ACOX3: variants seen among roughly 807,000 people sequenced by gnomAD.
ACOX3 encodes the protein acyl-CoA oxidase 3, pristanoyl.
ACOX3 carries 73 observed loss-of-function variants against 81.5 expected under a neutral mutation model. That is an observed-to-expected ratio of 0.90 (90% CI 0.74 to 1.09). The LOEUF (loss-of-function observed/expected upper bound fraction) is 1.09, where lower values mean the gene tolerates loss of function less well. ACOX3 is among the 50% of genes least tolerant of loss of function. The pLI is 0.00. For synonymous variants in ACOX3, 387 were observed against 375.1 expected (o/e 1.03, Z -0.37); for missense variants, 947 against 928.0 (o/e 1.02, Z -0.27).
chr4:8,371,287 C>T (rs981038252), intron 16 of ACOX3, among the ~76,000 whole-genome samples: 1 of 152,202 alleles, frequency 6.6e-6, no homozygotes, highest in Non-Finnish European at 1.5e-5. Flanking sequence ...CGTGAATTAG[C>T]AACTGCATTC....
chr4:8,373,979 T>G, intron 15 of ACOX3: 3 of 283,976 alleles, frequency 1.1e-5, no homozygotes, highest in Non-Finnish European at 1.3e-5. Context: ...AAGGGGCTCC[T>G]GGGCAGAGTG....
Position 8,419,276 on chromosome 4 carries a change from A to T in ACOX3, c.-14-2741T>A, listed in dbSNP as rs1722673333. The stretch of plus-strand genomic sequence containing the variant: ...TGGTGAAACCTCATCTCTACTAAAA[A>T]TACAAAAAAATTAGCCGGGCATGGT... On this transcript the variant is annotated intron_variant, in intron 1 of 17. Transcript: ENST00000356406. This position sits in a 1 kb window ranked among gnomAD's most constrained non-coding sequence, Gnocchi z 4.2. Among the ~76,000 whole-genome samples the T allele has an allele frequency of 6.6e-6, 1 of 151,886 alleles. No homozygotes were observed. Among genetic ancestry groups the T allele is most frequent in the Admixed American group, 6.6e-5 (1 of 15,258 alleles).
At chr4:8,408,085 G>A (rs138887942) in intron 6 of ACOX3, among the ~76,000 whole-genome samples, 49 of 152,268 alleles carry the variant, frequency 3.2e-4, no homozygotes, top group South Asian at 6.2e-4. Flanking sequence ...GGGGAATTTA[G>A]CTATGTGCAT....
intron 5 of ACOX3, among the ~76,000 whole-genome samples, chr4:8,412,572 A>G (rs1721845598): frequency 6.6e-6 from 1 of 152,184 alleles, no homozygotes; most frequent in Non-Finnish European, 1.5e-5. Context: ...GGATGGATGA[A>G]AGAATGATGG....
chr4:8,370,792 C>A lies in ACOX3; in HGVS notation c.1983+116G>T. 1 of 905,678 alleles carries A rather than the reference C, an allele frequency of 1.1e-6. No homozygotes were observed. The highest frequency in any genetic ancestry group is 1.5e-5 in the South Asian group (1 of 65,676). 56.1% of individuals were successfully genotyped at this position (905,678 alleles called of 1,614,324 possible). A position where few individuals can be genotyped will look rare whatever the true frequency, so the allele number is the denominator to read the frequency against. On this transcript the variant is annotated intron_variant, in intron 17 of 17. Coordinates refer to ENST00000356406, the MANE Select transcript of ACOX3 (RefSeq NM_003501.3). This position sits in a 1 kb window ranked among gnomAD's most constrained non-coding sequence, Gnocchi z 6.3. Reference sequence around the variant, plus strand: ...CCGGGCCCTCCCCAAGAAGCTCCTCCATGTGTGACCACTTTCCAGAAGACA... The same window carrying A: ...CCGGGCCCTCCCCAAGAAGCTCCTCAATGTGTGACCACTTTCCAGAAGACA...
At chr4:8,377,259 C>T (rs1176286105) in intron 14 of ACOX3, among the ~76,000 whole-genome samples, 2 of 152,188 alleles carry the variant, frequency 1.3e-5, no homozygotes, top group African/African-American at 2.4e-5. Flanking sequence ...GTGCCCCGCA[C>T]CACTCTCCCC....
the ACOX3 span, among the ~76,000 whole-genome samples, chr4:8,358,661 C>A: frequency 2.9e-4 from 44 of 152,274 alleles, no homozygotes; most frequent in African/African-American, 1.1e-3. Context: ...CCCACCAAAA[C>A]CAAGATGGCC....
chr4:8,365,660 C>T (rs1362044647), downstream of ACOX3, among the ~76,000 whole-genome samples: 1 of 152,160 alleles, frequency 6.6e-6, no homozygotes, highest in Non-Finnish European at 1.5e-5. Context: ...CCTGAGTGCT[C>T]AGTAAGGTGC....
At chr4:8,402,895 C>T (rs1029986690) in intron 7 of ACOX3, among the ~76,000 whole-genome samples, 3 of 152,218 alleles carry the variant, frequency 2.0e-5, no homozygotes, top group African/African-American at 7.2e-5. Flanking sequence ...CAGCAGCTTC[C>T]TTCCTCCTTT....
In ACOX3 at chr4:8,375,035, GCCGCCCCAGCACGGC is replaced by G; in HGVS notation, c.1756_1770del (p.Ala586_Arg590del). On this transcript the variant is annotated inframe_deletion, in exon 15 of 18. Transcript: ENST00000356406. ...GACCACAGGGCGTACAGAGCACTGAGCCGCCCCAGCACGGCCCGCAGCGAGGGCGGCACGGAAGGC... is the reference window on the plus strand; with the variant it reads ...GACCACAGGGCGTACAGAGCACTGAGCCGCAGCGAGGGCGGCACGGAAGGC... 6.4e-7 allele frequency: 1 copy of G among 1,555,016 alleles called. No individual in the cohort carries two copies. Among genetic ancestry groups the G allele is most frequent in the African/African-American group, 1.4e-5 (1 of 73,804 alleles).
Position 8,386,537 on chromosome 4 carries a change from G to A in ACOX3, c.1537+2636C>T, listed in dbSNP as rs552684474. 1.7e-4 allele frequency among the ~76,000 whole-genome samples: 26 copies of A among 149,146 alleles called. No individual in the cohort carries two copies. The highest frequency in any genetic ancestry group is 6.5e-4 in the African/African-American group (26 of 40,176). ...GCCGAGATCATACCACTGCACTCCA[G>A]CCTGGGCGACAGAGCGAGACTCCGT... On this transcript the variant is annotated intron_variant, in intron 13 of 17. Transcript: ENST00000356406. The surrounding 1 kb of genome is among the most constrained non-coding windows in gnomAD (Gnocchi z 5.2).
At chr4:8,440,342 C>T (rs1462275673) in intron 1 of ACOX3, among the ~76,000 whole-genome samples, 2 of 152,232 alleles carry the variant, frequency 1.3e-5, no homozygotes, top group Admixed American at 6.5e-5. Context: ...TGACAGATGA[C>T]TTTCATCCCT....
rs561021902 is a variant in ACOX3, at chr4:8,432,379, G to A, written c.-15+8269C>T. Among the ~76,000 whole-genome samples, 38 of 151,748 alleles carry A rather than the reference G, an allele frequency of 2.5e-4. No individual in the cohort carries two copies. The highest frequency in any genetic ancestry group is 1.3e-4 in the Non-Finnish European group (9 of 67,936). On this transcript the variant is annotated intron_variant, in intron 1 of 17. Coordinates refer to ENST00000356406, the MANE Select transcript of ACOX3 (RefSeq NM_003501.3). This position sits in a 1 kb window ranked among gnomAD's most constrained non-coding sequence, Gnocchi z 6.2. ...CTCCCGAGTAGCTGGGACTACAGGCGCCCACCACCACGCCCGGCTAATTTT... is the reference window on the plus strand; with the variant it reads ...CTCCCGAGTAGCTGGGACTACAGGCACCCACCACCACGCCCGGCTAATTTT...
At chr4:8,424,524 C>T (rs2109018504) in intron 1 of ACOX3, among the ~76,000 whole-genome samples, 1 of 152,308 alleles carries the variant, frequency 6.6e-6, no homozygotes, top group Non-Finnish European at 1.5e-5. Context: ...CAGTAGCAGT[C>T]TTAGTATCTG....
intron 16 of ACOX3, 37 bp downstream of exon 16, chr4:8,373,524 C>T (rs1014851099): frequency 6.2e-6 from 10 of 1,609,768 alleles, no homozygotes; most frequent in Admixed American, 5.0e-5. Context: ...GGTTGTGTAA[C>T]ATGGATGTAG....
intron 17 of ACOX3, among the ~76,000 whole-genome samples, chr4:8,367,806 C>CAAAAA (rs535574857): frequency 1.5e-4 from 7 of 46,708 alleles, no homozygotes; most frequent in Non-Finnish European, 1.7e-4. Flanking sequence ...CCCATCTTTA[C>CAAAAA]AAAAAAAAAA....
intron 17 of ACOX3, among the ~76,000 whole-genome samples, chr4:8,369,198 C>A (rs1038011630): frequency 1.3e-5 from 2 of 152,174 alleles, no homozygotes; most frequent in African/African-American, 4.8e-5. Context: ...GCAGACAGTC[C>A]CGTGTGCTTG....
At chr4:8,415,707 C>T in intron 3 of ACOX3, 59 bp downstream of exon 3, 1 of 1,482,400 alleles carries the variant, frequency 6.7e-7, no homozygotes. Context: ...GGACAGGCAT[C>T]CCTCAAGGCT....
At chr4:8,363,184 C>T (rs1056840793), downstream of ACOX3, among the ~76,000 whole-genome samples, 1 of 152,210 alleles carries the variant, frequency 6.6e-6, no homozygotes, top group African/African-American at 2.4e-5. Context: ...TAATTCTGGG[C>T]ACATTAGAAT....
Sources: gnomAD v4.1 joint callset for allele counts (sites outside exome capture counted in the v4.1 genomes callset) on GRCh38, gnomAD v4.1.1 for gene constraint, Gnocchi (gnomAD v3.1) non-coding constraint, MANE v1.5 for transcripts, NCBI Gene and HGNC (gene_info 2026-07-23, HGNC 2026-07-21) for gene names.